The following KIAA0319 variants were observed in gnomAD, a reference collection of about 807,000 sequenced individuals.
The protein encoded by KIAA0319 is dyslexia-associated protein KIAA0319.
In KIAA0319, 83 loss-of-function variants were observed where a neutral mutation model predicts 108.4. The observed-to-expected ratio is 0.77, with a 90% CI of 0.64 to 0.92. The LOEUF is 0.92. Among genes scored for constraint, KIAA0319 ranks in the 40% least tolerant of loss-of-function variants. KIAA0319 has a pLI of 0.00. For missense variants in KIAA0319, 1,195 were observed against 1,322.4 expected (o/e 0.90, Z 1.49); for synonymous variants, 484 against 510.4 (o/e 0.95, Z 0.70).
chr6:24,606,262 A>C (rs1771391818), intron 1 of KIAA0319, among the ~76,000 whole-genome samples: 1 of 151,810 alleles, frequency 6.6e-6, no homozygotes, highest in South Asian at 2.1e-4. Context: ...GACTCCTCAT[A>C]TTTCTGGCCA....
intron 1 of KIAA0319, among the ~76,000 whole-genome samples, chr6:24,616,648 G>A (rs1164303652): frequency 1.3e-5 from 2 of 152,224 alleles, no homozygotes; most frequent in African/African-American, 2.4e-5. Context: ...CACCGTGCTC[G>A]GCCTGGTTAT....
At chr6:24,601,375 A>C (rs1049008238) in intron 1 of KIAA0319, 167 bp from the exon 2 acceptor site, 1 of 937,392 alleles carries the variant, frequency 1.1e-6, no homozygotes, top group Non-Finnish European at 1.3e-6. Context: ...TCAAATAGCC[A>C]GTATAGTTCC....
chr6:24,584,185 C>G (rs1055555122), intron 4 of KIAA0319, among the ~76,000 whole-genome samples: 4 of 151,980 alleles, frequency 2.6e-5, no homozygotes, highest in Admixed American at 6.6e-5. Context: ...GGAACCTTTC[C>G]AAGACAAAAT....
At chr6:24,554,745 G>T in intron 18 of KIAA0319, 114 bp from the exon 19 acceptor site, 1 of 742,672 alleles carries the variant, frequency 1.3e-6, no homozygotes. Flanking sequence ...GCCACCTGTG[G>T]AGTTGATAAC....
intron 1 of KIAA0319, among the ~76,000 whole-genome samples, chr6:24,603,673 AC>A (rs376366755): frequency 6.6e-6 from 1 of 152,088 alleles, no homozygotes; most frequent in African/African-American, 2.4e-5. Flanking sequence ...AGAGGGAAAC[AC>A]CCCGACAGAT....
intron 20 of KIAA0319, among the ~76,000 whole-genome samples, chr6:24,550,255 C>G (rs748561691): frequency 6.6e-6 from 1 of 152,196 alleles, no homozygotes; most frequent in East Asian, 1.9e-4. Flanking sequence ...GCTGTGAGCT[C>G]CTGTAAAGGC....
chr6:24,636,361 C>A (rs6906247), intron 1 of KIAA0319, among the ~76,000 whole-genome samples: 113,820 of 152,190 alleles, frequency 0.75, 44,029 homozygotes, highest in African/African-American at 0.94. Context: ...GGGGTCTTCA[C>A]AAAGTTCATG....
At chr6:24,639,618 G>T (rs1776660895) in intron 1 of KIAA0319, among the ~76,000 whole-genome samples, 1 of 152,178 alleles carries the variant, frequency 6.6e-6, no homozygotes, top group Non-Finnish European at 1.5e-5. Context: ...GGGAGGCCAA[G>T]GCGGGCAGAT....
At chr6:24,623,086 TCAGA>T (rs916696709) in intron 1 of KIAA0319, among the ~76,000 whole-genome samples, 1 of 151,914 alleles carries the variant, frequency 6.6e-6, no homozygotes, top group Non-Finnish European at 1.5e-5. Context: ...AGTCACTTGC[TCAGA>T]CAGCTAAAAA....
chr6:24,596,007 A>C lies in KIAA0319; in HGVS notation c.667T>G (p.Ser223Ala). 1 of 1,614,200 alleles carries C rather than the reference A, an allele frequency of 6.2e-7. No individual in the cohort carries two copies. The highest frequency in any genetic ancestry group is 8.5e-7 in the Non-Finnish European group (1 of 1,180,036). ...TCAGGGAGTTTTGGGGCAGGGGTTG[A>C]AGCCGACTCATTCAGGTAATGGAGC... ...PELHYLNESA[S>A]TPAPKLPERS... The change falls in exon 3 of 21, where the codon TCA becomes GCA. Residue 223 changes from serine (S) to alanine (A), a missense_variant. Ser to Ala is a moderately conservative substitution (Grantham distance 99). Coordinates refer to ENST00000378214, the MANE Select transcript of KIAA0319 (RefSeq NM_014809.4).
chr6:24,559,178 G>A (rs756028310), intron 16 of KIAA0319, 23 bp from the exon 17 acceptor site: 2 of 1,609,030 alleles, frequency 1.2e-6, no homozygotes, highest in Admixed American at 3.4e-5. Context: ...CAATGAGAGA[G>A]GACAGCCACA....
chr6:24,606,636 A>G (rs925463616), intron 1 of KIAA0319, among the ~76,000 whole-genome samples: 1 of 152,192 alleles, frequency 6.6e-6, no homozygotes, highest in Non-Finnish European at 1.5e-5. Context: ...TTCAGTGAAC[A>G]TTCTCCATTT....
At chr6:24,560,359 A>G (rs1299456141) in intron 16 of KIAA0319, among the ~76,000 whole-genome samples, 2 of 152,194 alleles carry the variant, frequency 1.3e-5, no homozygotes, top group Non-Finnish European at 2.9e-5. Context: ...CAGGCTCGCC[A>G]GCACTTGCTA....
intron 1 of KIAA0319, among the ~76,000 whole-genome samples, chr6:24,609,683 A>G (rs1562061471): frequency 6.6e-6 from 1 of 152,330 alleles, no homozygotes; most frequent in South Asian, 2.1e-4. Context: ...GCTAAGCTGT[A>G]TCCCTGAACC....
chr6:24,594,960 T>C (rs1435142817), intron 3 of KIAA0319, among the ~76,000 whole-genome samples: 1 of 152,172 alleles, frequency 6.6e-6, no homozygotes, highest in African/African-American at 2.4e-5. Flanking sequence ...ATTGTCTGTC[T>C]CCCTGACCTC....
At chr6:24,578,489 A>T (rs1765872241) in intron 8 of KIAA0319, among the ~76,000 whole-genome samples, 1 of 152,242 alleles carries the variant, frequency 6.6e-6, no homozygotes, top group African/African-American at 2.4e-5. Context: ...TTTAAGAAGC[A>T]CAGTGACAGA....
chr6:24,610,125 A>G (rs1772074911), intron 1 of KIAA0319, among the ~76,000 whole-genome samples: 1 of 152,236 alleles, frequency 6.6e-6, no homozygotes. Context: ...GCTTTTAAGG[A>G]CACCATCAAG....
intron 1 of KIAA0319, among the ~76,000 whole-genome samples, chr6:24,625,145 T>A (rs967691453): frequency 6.6e-6 from 1 of 152,234 alleles, no homozygotes; most frequent in Non-Finnish European, 1.5e-5. Flanking sequence ...TATAAAATTG[T>A]CTGCCAAATA....
intron 2 of KIAA0319, among the ~76,000 whole-genome samples, chr6:24,600,405 C>T (rs1208409592): frequency 1.3e-5 from 2 of 151,996 alleles, no homozygotes; most frequent in Non-Finnish European, 2.9e-5. Flanking sequence ...TGGTGCTGCC[C>T]AAAATTTGGG....
Sources: allele counts gnomAD v4.1 joint callset (sites outside exome capture counted in the v4.1 genomes callset), GRCh38; gene constraint gnomAD v4.1.1; transcripts MANE v1.5; gene names NCBI Gene and HGNC (gene_info 2026-07-23, HGNC 2026-07-21).